Variants in CACNG7 observed in about 807,000 individuals in gnomAD.
The protein encoded by CACNG7 is voltage-dependent calcium channel gamma-7 subunit.
In CACNG7, 9 loss-of-function variants were observed where a neutral mutation model predicts 26.3. The ratio of observed to expected loss-of-function variants is 0.34; its 90% CI spans 0.21 to 0.60. CACNG7 has a LOEUF of 0.60. Among genes scored for constraint, CACNG7 ranks in the 20% least tolerant of loss-of-function variants. The pLI is 0.81. For synonymous variants in CACNG7, 170 were observed against 157.0 expected (o/e 1.08, Z -0.62); for missense variants, 297 against 380.4 (o/e 0.78, Z 1.82).
At chr19:53,914,401 C>T in intron 2 of CACNG7, 99 bp from the exon 3 acceptor site, 7 of 928,586 alleles carry the variant, frequency 7.5e-6, no homozygotes, top group Admixed American at 4.2e-5. Context: ...CTTGCTCCCC[C>T]ATCCTGGGGT....
At chr19:53,935,509 G>A (rs527955137) in intron 4 of CACNG7, among the ~76,000 whole-genome samples, 1 of 150,628 alleles carries the variant, frequency 6.6e-6, no homozygotes, top group African/African-American at 2.4e-5. Context: ...TTTTAGTAGA[G>A]ACAAGGTTTC....
intron 4 of CACNG7, among the ~76,000 whole-genome samples, chr19:53,920,966 C>T (rs1450077627): frequency 2.0e-4 from 19 of 95,084 alleles, no homozygotes; most frequent in Non-Finnish European, 3.5e-4. Flanking sequence ...GGTGGACTTG[C>T]CCCAGGCTGG....
At position 53,943,105 on chromosome 19, in the gene CACNG7, GCCCTTGGGTGCATCCCGCCCT is replaced by G. The variant is rs1173061124; in HGVS notation, c.*813_*833del. The G allele has an allele frequency of 6.6e-6, 1 of 152,176 alleles. No homozygotes were observed. Among genetic ancestry groups the G allele is most frequent in the East Asian group, 1.9e-4 (1 of 5,134 alleles). The allele number at this position is 152,176 out of a possible 1,614,324, so 9.4% of individuals were successfully genotyped here. ...TCCTCCCTTCACCCGTTCGTCCCAA[GCCCTTGGGTGCATCCCGCCCT>G]AGGCGCACACCAGACGGCCAGAATG... On this transcript the variant is annotated 3_prime_UTR_variant, in exon 6 of 6. Coordinates refer to ENST00000391767, the MANE Select transcript of CACNG7 (RefSeq NM_031896.5).
chr19:53,925,084 G>T (rs1357778307), intron 4 of CACNG7, among the ~76,000 whole-genome samples: 2 of 100,802 alleles, frequency 2.0e-5, no homozygotes, highest in Non-Finnish European at 3.9e-5. Context: ...GTTGCCCCAG[G>T]TCTGGTCATT....
intron 4 of CACNG7, among the ~76,000 whole-genome samples, chr19:53,925,571 T>C (rs954730608): frequency 2.6e-5 from 4 of 152,092 alleles, no homozygotes; most frequent in African/African-American, 7.2e-5. Context: ...GGTCTGGTCA[T>C]TGGTGGACTT....
chr19:53,924,584 G>A (rs1217755991), intron 4 of CACNG7, among the ~76,000 whole-genome samples: 1 of 149,590 alleles, frequency 6.7e-6, no homozygotes, highest in African/African-American at 2.5e-5. Flanking sequence ...AGTTGCCCCA[G>A]GCTGGTCATT....
intron 1 of CACNG7, among the ~76,000 whole-genome samples, chr19:53,910,460 C>G (rs1462557300): frequency 1.3e-5 from 2 of 152,040 alleles, no homozygotes; most frequent in African/African-American, 2.4e-5. Context: ...TCAGGTGGAG[C>G]AGAGTTGCAA....
chr19:53,931,685 TAAAAAAAAAAAA>T (rs747430354), intron 4 of CACNG7, among the ~76,000 whole-genome samples: 4 of 44,950 alleles, frequency 8.9e-5, no homozygotes, highest in East Asian at 7.5e-4. Flanking sequence ...AGACTCTGTC[TAAAAAAAAAAAA>T]AAAAAAAAAA....
intron 4 of CACNG7, among the ~76,000 whole-genome samples, chr19:53,924,464 G>T (rs550586562): frequency 6.7e-6 from 1 of 149,820 alleles, no homozygotes; most frequent in African/African-American, 2.5e-5. Context: ...CTGGTCATTG[G>T]TGGAGTTGTC....
intron 2 of CACNG7, among the ~76,000 whole-genome samples, chr19:53,913,878 C>A (rs901893273): frequency 6.6e-6 from 1 of 151,778 alleles, no homozygotes; most frequent in African/African-American, 2.4e-5. Context: ...CAGACCTCGT[C>A]CTCTTTAGGG....
chr19:53,928,487 C>G (rs1486828430), intron 4 of CACNG7, among the ~76,000 whole-genome samples: 1 of 151,918 alleles, frequency 6.6e-6, no homozygotes, highest in East Asian at 2.0e-4. Context: ...GTTGGCCAGG[C>G]TGGTCTCGAA....
intron 4 of CACNG7, among the ~76,000 whole-genome samples, chr19:53,929,122 C>CAAAAAAAAAAA (rs1297562260): frequency 5.9e-5 from 3 of 50,468 alleles, no homozygotes; most frequent in African/African-American, 6.1e-5. Context: ...AAAAAAAAAA[C>CAAAAAAAAAAA]AAAAAAAAAA....
At position 53,912,672 on chromosome 19, in the gene CACNG7, G is replaced by A. The variant is rs1333803317; in HGVS notation, c.-29-131G>A. ...GGGTTGGGGTCATGGGTCAGGCCAC[G>A]GAGGTCAGATCTGAGATTTCGATTT... On this transcript the variant is annotated intron_variant, in intron 1 of 5. Coordinates refer to ENST00000391767, the MANE Select transcript of CACNG7 (RefSeq NM_031896.5). This position sits in a 1 kb window ranked among gnomAD's most constrained non-coding sequence, Gnocchi z 4.6. The A allele has an allele frequency of 1.5e-5, 10 of 682,814 alleles. No individual in the cohort carries two copies. Among genetic ancestry groups the A allele is most frequent in the African/African-American group, 7.2e-5 (4 of 55,678 alleles). The allele number at this position is 682,814 out of a possible 1,614,324, so 42.3% of individuals were successfully genotyped here.
rs547338954 is a variant in CACNG7 at position 53,922,685 on chromosome 19, G to A, written c.424+7180G>A. ...TTGTCCCAGGCTGGTCATTGGTGGA[G>A]TTGCCCCAGGTCTGGTCATTGGTGG... On this transcript the variant is annotated intron_variant, in intron 4 of 5. Coordinates refer to ENST00000391767, the MANE Select transcript of CACNG7 (RefSeq NM_031896.5). 4.4e-5 allele frequency among the ~76,000 whole-genome samples: 3 copies of A among 68,926 alleles called. 1 individual carries two copies. The highest frequency in any genetic ancestry group is 6.0e-4 in the South Asian group (1 of 1,672). 45.2% of individuals were successfully genotyped at this position (68,926 alleles called of 152,430 possible). A position where few individuals can be genotyped will look rare whatever the true frequency, so the allele number is the denominator to read the frequency against.
rs1240960488 is a variant in CACNG7 at position 53,943,492 on chromosome 19, A to AG, written c.*1205dup. ...CCAGAATGGCCCCCGGGGTGGGGGG[A>AG]GGGGGGCAGGGGAGGGACGGGGGCT... On this transcript the variant is annotated 3_prime_UTR_variant, in exon 6 of 6. Coordinates refer to ENST00000391767, the MANE Select transcript of CACNG7 (RefSeq NM_031896.5). 1 of 28,120 alleles carries AG rather than the reference A, an allele frequency of 3.6e-5. No homozygotes were observed. Among genetic ancestry groups the AG allele is most frequent in the Middle Eastern group, 0.022 (1 of 46 alleles). 1.7% of individuals were successfully genotyped at this position (28,120 alleles called of 1,614,324 possible).
chr19:53,930,353 C>T (rs1599993512), intron 4 of CACNG7, among the ~76,000 whole-genome samples: 2 of 151,752 alleles, frequency 1.3e-5, no homozygotes, highest in Admixed American at 6.6e-5. Flanking sequence ...GGACTACAGG[C>T]GGGCACCACT....
chr19:53,915,256 G>T (rs2145898351), intron 3 of CACNG7, 109 bp from the exon 4 acceptor site: 1 of 764,874 alleles, frequency 1.3e-6, no homozygotes, highest in East Asian at 2.6e-5. Flanking sequence ...TAAGGAAAGG[G>T]AGGAGCCAAA....
rs541077006 is a variant in CACNG7 at position 53,923,752 on chromosome 19, T to C, written c.424+8247T>C. On this transcript the variant is annotated intron_variant, in intron 4 of 5. Coordinates refer to ENST00000391767, the MANE Select transcript of CACNG7 (RefSeq NM_031896.5). ...GGTGGAGTTGCCCCAGGTCTGGTCA[T>C]TGGTGGAGTTGCCCCAGGTCTGGTC... Among the ~76,000 whole-genome samples, 102 of 129,088 alleles carry C rather than the reference T, an allele frequency of 7.9e-4. 1 individual carries two copies. Among genetic ancestry groups the C allele is most frequent in the African/African-American group, 3.4e-3 (98 of 28,442 alleles). 84.7% of individuals were successfully genotyped at this position (129,088 alleles called of 152,430 possible).
Position 53,912,474 on chromosome 19 carries a change from T to G in CACNG7, c.-29-329T>G, listed in dbSNP as rs1201869890. Among the ~76,000 whole-genome samples the G allele has an allele frequency of 6.6e-6, 1 of 152,120 alleles. No homozygotes were observed. The highest frequency in any genetic ancestry group is 2.4e-5 in the African/African-American group (1 of 41,436). ...GGAGTCACAGTATTTGGGACCCAGG[T>G]CCAAACACGGTTGGAGCCAAGATTC... On this transcript the variant is annotated intron_variant, in intron 1 of 5. Transcript: ENST00000391767. The surrounding 1 kb of genome is among the most constrained non-coding windows in gnomAD (Gnocchi z 4.6).
Sources: gnomAD v4.1 joint callset for allele counts (sites outside exome capture counted in the v4.1 genomes callset) on GRCh38, gnomAD v4.1.1 for gene constraint, Gnocchi (gnomAD v3.1) non-coding constraint, MANE v1.5 for transcripts, NCBI Gene and HGNC (gene_info 2026-07-23, HGNC 2026-07-21) for gene names.